The following AVEN variants were observed in gnomAD, a reference collection of about 807,000 sequenced individuals.
AVEN encodes the protein apoptosis and caspase activation inhibitor, also known as cell death regulator Aven.
A neutral mutation model predicts 38.1 loss-of-function variants in AVEN; 41 were observed. The ratio of observed to expected loss-of-function variants is 1.08; its 90% confidence interval spans 0.84 to 1.40. AVEN has a LOEUF of 1.40. Among genes scored for constraint, AVEN ranks in the 40% most tolerant of loss-of-function variants. The pLI, the probability that AVEN is intolerant of heterozygous loss-of-function variation, is 0.00. For synonymous variants in AVEN, 206 were observed against 171.8 expected (o/e 1.20, Z -1.56); for missense variants, 605 against 438.8 (o/e 1.38, Z -3.38).
chr15:34,030,582 C>G lies in AVEN; in HGVS notation c.267+8198G>C, dbSNP rs185788783. ...TGACCTTGTGATCCACCCGCCTCAGCCTCCCAAAATGCTGGGATTACAGGT... is the reference window on the plus strand; with the variant it reads ...TGACCTTGTGATCCACCCGCCTCAGGCTCCCAAAATGCTGGGATTACAGGT... On this transcript the variant is annotated intron_variant, in intron 1 of 5. Coordinates refer to ENST00000306730, the MANE Select transcript of AVEN (RefSeq NM_020371.3). Among the ~76,000 whole-genome samples, 119 of 152,146 alleles carry G rather than the reference C, an allele frequency of 7.8e-4. 1 individual carries two copies. Among genetic ancestry groups the G allele is most frequent in the African/African-American group, 2.6e-3 (108 of 41,508 alleles).
At chr15:33,976,154 A>G (rs1054374006) in intron 2 of AVEN, among the ~76,000 whole-genome samples, 4 of 152,186 alleles carry the variant, frequency 2.6e-5, no homozygotes, top group Non-Finnish European at 1.5e-5. Flanking sequence ...GGATAAAATC[A>G]ACTTTTAAAA....
At chr15:33,952,181 G>T (rs575245283) in intron 2 of AVEN, among the ~76,000 whole-genome samples, 1 of 152,142 alleles carries the variant, frequency 6.6e-6, no homozygotes, top group Non-Finnish European at 1.5e-5. Context: ...TCACAAACAG[G>T]TGGAAATGAT....
intron 5 of AVEN, chr15:34,062,651 C>G (rs1425403902): frequency 2.0e-6 from 3 of 1,478,410 alleles, no homozygotes; most frequent in Admixed American, 4.1e-5. Flanking sequence ...AGATGCTGGC[C>G]AAGAAGAGCT....
chr15:33,911,067 GC>G (rs1176273276), intron 2 of AVEN, among the ~76,000 whole-genome samples: 3 of 152,186 alleles, frequency 2.0e-5, no homozygotes, highest in Non-Finnish European at 4.4e-5. Context: ...CTGCATAGAA[GC>G]CAACCCATTA....
intron 2 of AVEN, among the ~76,000 whole-genome samples, chr15:33,932,180 C>T (rs779433111): frequency 6.6e-6 from 1 of 152,222 alleles, no homozygotes. Flanking sequence ...AGAATAAACA[C>T]ACATTCTGAA....
At chr15:33,906,543 A>G (rs373875979) in intron 2 of AVEN, among the ~76,000 whole-genome samples, 1 of 152,358 alleles carries the variant, frequency 6.6e-6, no homozygotes, top group East Asian at 1.9e-4. Flanking sequence ...GGGCTATATA[A>G]TAAGTGGAAT....
At chr15:34,033,936 C>T (rs970912118) in intron 1 of AVEN, among the ~76,000 whole-genome samples, 8 of 152,066 alleles carry the variant, frequency 5.3e-5, no homozygotes, top group African/African-American at 1.4e-4. Context: ...TACAGGTGCG[C>T]GCCACCATGC....
intron 5 of AVEN, among the ~76,000 whole-genome samples, chr15:34,052,217 C>T (rs1899947572): frequency 6.6e-6 from 1 of 151,994 alleles, no homozygotes; most frequent in African/African-American, 2.4e-5. Flanking sequence ...AAATGCACTT[C>T]ATCACATAAA....
downstream of AVEN, chr15:33,865,914 ACAGCTGT>A (rs1890369195): frequency 6.5e-6 from 1 of 152,696 alleles, no homozygotes; most frequent in South Asian, 2.1e-4. Context: ...TTTTTTAGTA[ACAGCTGT>A]CAGTCAACTG....
intron 4 of AVEN, among the ~76,000 whole-genome samples, chr15:33,868,064 C>T (rs2153033659): frequency 6.6e-6 from 1 of 152,296 alleles, no homozygotes; most frequent in East Asian, 1.9e-4. Flanking sequence ...TGAAACATGC[C>T]AGCACTGTGC....
In AVEN at chr15:33,870,990, G is replaced by C; in HGVS notation, c.557C>G (p.Ala186Gly). 6.2e-7 allele frequency: 1 copy of C among 1,609,306 alleles called. No homozygotes were observed. Among genetic ancestry groups the C allele is most frequent in the Non-Finnish European group, 8.5e-7 (1 of 1,177,210 alleles). The change falls in exon 4 of 6, where the codon GCC becomes GGC. Residue 186 changes from alanine (A) to glycine (G), a missense_variant. Transcript: ENST00000306730. ...GAGGCAGAGAGGCAGCTCTTGAAGG[G>C]CTCGAACCAATAACTCACTATCCAC... ...FYVDSELLVRALQELPLCLRL... is the reference protein window; with the variant it reads ...FYVDSELLVRGLQELPLCLRL...
At chr15:33,979,665 G>T (rs1896049849) in intron 2 of AVEN, among the ~76,000 whole-genome samples, 1 of 152,090 alleles carries the variant, frequency 6.6e-6, no homozygotes, top group Non-Finnish European at 1.5e-5. Flanking sequence ...TTTTCAGAAT[G>T]AACATTCTAT....
At chr15:33,861,333 C>G (rs1256414670), downstream of AVEN, among the ~76,000 whole-genome samples, 1 of 152,138 alleles carries the variant, frequency 6.6e-6, no homozygotes, top group Non-Finnish European at 1.5e-5. Flanking sequence ...CTCTGTCTCT[C>G]CCATGTGTGA....
chr15:33,913,705 T>G (rs1283867935), intron 2 of AVEN, among the ~76,000 whole-genome samples: 4 of 152,162 alleles, frequency 2.6e-5, no homozygotes, highest in Non-Finnish European at 5.9e-5. Context: ...ATAAAGAATA[T>G]AACTAGTCTT....
At chr15:34,030,289 T>G (rs1226568759) in intron 1 of AVEN, among the ~76,000 whole-genome samples, 2 of 152,176 alleles carry the variant, frequency 1.3e-5, no homozygotes, top group East Asian at 1.9e-4. Flanking sequence ...AAATCCACTA[T>G]GTCAATAAAA....
At chr15:33,979,260 G>T (rs975231242) in intron 2 of AVEN, among the ~76,000 whole-genome samples, 2 of 152,166 alleles carry the variant, frequency 1.3e-5, no homozygotes, top group African/African-American at 4.8e-5. Context: ...GGTGTCCCAT[G>T]CCTGCAATCC....
intron 2 of AVEN, among the ~76,000 whole-genome samples, chr15:33,943,606 CG>C (rs1894399599): frequency 6.6e-6 from 1 of 152,082 alleles, no homozygotes; most frequent in African/African-American, 2.4e-5. Flanking sequence ...AAGGCCAAGG[CG>C]GGTGGATCAC....
chr15:33,900,238 A>G (rs1356847614), intron 2 of AVEN, among the ~76,000 whole-genome samples: 1 of 152,084 alleles, frequency 6.6e-6, no homozygotes, highest in Non-Finnish European at 1.5e-5. Flanking sequence ...TTATGTCTAA[A>G]TGTTCTCAAC....
intron 2 of AVEN, among the ~76,000 whole-genome samples, chr15:33,898,175 C>T (rs1296036849): frequency 2.0e-5 from 3 of 152,120 alleles, no homozygotes; most frequent in Non-Finnish European, 2.9e-5. Context: ...GGCAACAGTG[C>T]GAGACTCCGT....
Sources: allele counts gnomAD v4.1 joint callset (sites outside exome capture counted in the v4.1 genomes callset), GRCh38; gene constraint gnomAD v4.1.1; transcripts MANE v1.5; gene names NCBI Gene and HGNC (gene_info 2026-07-23, HGNC 2026-07-21).